Variants in CAMK1D observed in about 807,000 individuals in gnomAD.
CAMK1D encodes the protein calcium/calmodulin dependent protein kinase ID.
A neutral mutation model predicts 47.7 loss-of-function variants in CAMK1D; 9 were observed. The ratio of observed to expected loss-of-function variants is 0.19; its 90% CI spans 0.11 to 0.33. The LOEUF (loss-of-function observed/expected upper bound fraction) is 0.33. Ranked by LOEUF, CAMK1D falls within the 10% of genes least tolerant of loss-of-function variation. The pLI, the probability that CAMK1D is intolerant of heterozygous loss-of-function variation, is 1.00. For synonymous variants in CAMK1D, 184 were observed against 184.9 expected, an observed-to-expected ratio of 0.99 and a Z score of 0.04; for missense variants, 291 against 488.7, an observed-to-expected ratio of 0.60 and a Z score of 3.81.
chr10:12,393,494 A>T (rs759709373), intron 1 of CAMK1D, among the ~76,000 whole-genome samples: 2 of 152,196 alleles, frequency 1.3e-5, no homozygotes, highest in Non-Finnish European at 2.9e-5. Context: ...GTGTGTTACC[A>T]CCATCTGTCC....
intron 3 of CAMK1D, among the ~76,000 whole-genome samples, chr10:12,738,831 C>CTAAA (rs1472371470): frequency 4.6e-5 from 7 of 151,826 alleles, no homozygotes; most frequent in East Asian, 1.9e-4. Flanking sequence ...GACTCTGTCT[C>CTAAA]TAAATAAATA....
At chr10:12,502,086 C>G (rs1042790052) in intron 1 of CAMK1D, among the ~76,000 whole-genome samples, 1 of 152,158 alleles carries the variant, frequency 6.6e-6, no homozygotes, top group African/African-American at 2.4e-5. Context: ...GGCTCAGGGT[C>G]AGGAACGAGT....
At chr10:12,386,572 A>C (rs1838501657) in intron 1 of CAMK1D, among the ~76,000 whole-genome samples, 1 of 152,242 alleles carries the variant, frequency 6.6e-6, no homozygotes, top group Non-Finnish European at 1.5e-5. Context: ...GCGATGCAGA[A>C]TGTTATTGAA....
At chr10:12,553,572 A>G (rs947143286) in intron 2 of CAMK1D, among the ~76,000 whole-genome samples, 2 of 152,234 alleles carry the variant, frequency 1.3e-5, no homozygotes, top group African/African-American at 2.4e-5. Context: ...CTCAATTACA[A>G]AGAGCACAGC....
intron 1 of CAMK1D, among the ~76,000 whole-genome samples, chr10:12,435,106 C>G (rs1832590077): frequency 1.3e-5 from 2 of 151,258 alleles, no homozygotes; most frequent in South Asian, 2.1e-4. Context: ...GCCTGTAATC[C>G]CAGCTACTCC....
chr10:12,634,579 A>G (rs1839462717), intron 2 of CAMK1D, among the ~76,000 whole-genome samples: 2 of 152,094 alleles, frequency 1.3e-5, no homozygotes, highest in Non-Finnish European at 2.9e-5. Context: ...GGAGCTGCAC[A>G]TCCATTTTCT....
At position 12,612,022 on chromosome 10, in the gene CAMK1D, C is replaced by T. The variant is rs77476328; in HGVS notation, c.225-54714C>T. On this transcript the variant is annotated intron_variant, in intron 2 of 10. Coordinates refer to ENST00000619168, the MANE Select transcript of CAMK1D (RefSeq NM_153498.4). The stretch of plus-strand genomic sequence containing the variant: ...TAATAAAAAGGGAACTTGCTGGACA[C>T]GGTAGATAAACTAAAAAGCACTCCC... Among the ~76,000 whole-genome samples, 731 of 152,322 alleles carry T rather than the reference C, an allele frequency of 4.8e-3. 5 individuals are homozygous for T. The highest frequency in any genetic ancestry group is 0.041 in the East Asian group (213 of 5,184).
chr10:12,517,762 A>T (rs1835254405), intron 1 of CAMK1D, among the ~76,000 whole-genome samples: 1 of 152,056 alleles, frequency 6.6e-6, no homozygotes, highest in Non-Finnish European at 1.5e-5. Flanking sequence ...ATATTGCTGG[A>T]TCCCATTTGG....
intron 3 of CAMK1D, among the ~76,000 whole-genome samples, chr10:12,693,739 T>C (rs1588801504): frequency 6.6e-6 from 1 of 150,458 alleles, no homozygotes; most frequent in Non-Finnish European, 1.5e-5. Context: ...CCTAGAGGTC[T>C]TGGACTTGAC....
intron 3 of CAMK1D, among the ~76,000 whole-genome samples, chr10:12,685,161 C>T (rs568466705): frequency 2.6e-5 from 4 of 152,238 alleles, no homozygotes; most frequent in Admixed American, 2.0e-4. Flanking sequence ...ATTAGCCAGG[C>T]GTGGTGGTGC....
At chr10:12,475,537 A>T (rs1833876716) in intron 1 of CAMK1D, among the ~76,000 whole-genome samples, 1 of 151,242 alleles carries the variant, frequency 6.6e-6, no homozygotes, top group Non-Finnish European at 1.5e-5. Flanking sequence ...ATCCATGGGT[A>T]CCCGGGTTGC....
intron 1 of CAMK1D, among the ~76,000 whole-genome samples, chr10:12,428,357 C>T (rs1187282748): frequency 6.6e-6 from 1 of 152,136 alleles, no homozygotes; most frequent in African/African-American, 2.4e-5. Context: ...AGCTTTTAGG[C>T]CCTTGAATAT....
At chr10:12,460,171 T>A (rs992982595) in intron 1 of CAMK1D, among the ~76,000 whole-genome samples, 1 of 152,154 alleles carries the variant, frequency 6.6e-6, no homozygotes, top group African/African-American at 2.4e-5. Flanking sequence ...AAGGAAAAGC[T>A]CCAGGAGTAG....
In CAMK1D at chr10:12,777,715, A is replaced by G. The variant is rs949900498; in HGVS notation, c.565+7916A>G. 3.9e-4 allele frequency among the ~76,000 whole-genome samples: 59 copies of G among 152,278 alleles called. 2 individuals carry two copies. The highest frequency in any genetic ancestry group is 1.4e-3 in the African/African-American group (57 of 41,562). On this transcript the variant is annotated intron_variant, in intron 5 of 10. Transcript: ENST00000619168. ...TTAAGTGTGGTGGCCCTGTGGTCAGAGGAATGGCAGGAAGAAGGTGAAACG... is the reference window on the plus strand; with the variant it reads ...TTAAGTGTGGTGGCCCTGTGGTCAGGGGAATGGCAGGAAGAAGGTGAAACG...
At chr10:12,412,537 C>T (rs1043526797) in intron 1 of CAMK1D, among the ~76,000 whole-genome samples, 2 of 149,436 alleles carry the variant, frequency 1.3e-5, no homozygotes, top group Non-Finnish European at 3.0e-5. Flanking sequence ...GCAGGAGAAT[C>T]ACTTGAACCC....
At chr10:12,388,938 C>T (rs1458151963) in intron 1 of CAMK1D, among the ~76,000 whole-genome samples, 17 of 152,190 alleles carry the variant, frequency 1.1e-4, no homozygotes, top group Admixed American at 1.0e-3. Context: ...GCGGTAAAGG[C>T]GTGGCTTGCG....
Position 12,375,495 on chromosome 10 carries a change from G to C in CAMK1D, c.92+25585G>C, listed in dbSNP as rs192172560. On this transcript the variant is annotated intron_variant, in intron 1 of 10. Coordinates refer to ENST00000619168, the MANE Select transcript of CAMK1D (RefSeq NM_153498.4). ...ACCTGTTTACAGGCCCTTTTCCTTG[G>C]CTGCCACATTGCTGTGCTTGGGAAA... is the stretch of plus-strand genomic sequence containing the variant. Among the ~76,000 whole-genome samples the C allele has an allele frequency of 1.2e-3, 178 of 152,254 alleles. 1 individual carries two copies. Among genetic ancestry groups the C allele is most frequent in the African/African-American group, 3.9e-3 (160 of 41,542 alleles).
chr10:12,376,162 C>CAAAAAAAAAAAA (rs59804213), intron 1 of CAMK1D, among the ~76,000 whole-genome samples: 11 of 59,998 alleles, frequency 1.8e-4, no homozygotes, highest in African/African-American at 3.9e-4. Flanking sequence ...GACTCTGTCC[C>CAAAAAAAAAAAA]AAAAAAAAAA....
chr10:12,532,092 T>A (rs1233055033), intron 1 of CAMK1D, among the ~76,000 whole-genome samples: 2 of 152,228 alleles, frequency 1.3e-5, no homozygotes, highest in African/African-American at 4.8e-5. Context: ...CCTGGGCAGG[T>A]TATTGAGCAA....
Sources: gnomAD v4.1 joint callset for allele counts (sites outside exome capture counted in the v4.1 genomes callset) on GRCh38, gnomAD v4.1.1 for gene constraint, MANE v1.5 for transcripts, NCBI Gene and HGNC (gene_info 2026-07-23, HGNC 2026-07-21) for gene names.